Variants in CMPK1 observed in about 807,000 individuals in gnomAD.
The protein encoded by CMPK1 is cytidine/uridine monophosphate kinase 1.
CMPK1 carries 10 observed loss-of-function variants against 25.7 expected under a neutral mutation model. The ratio of observed to expected loss-of-function variants is 0.39; its 90% CI spans 0.24 to 0.66. The LOEUF (loss-of-function observed/expected upper bound fraction) is 0.66. Ranked by LOEUF, CMPK1 falls within the 30% of genes least tolerant of loss-of-function variation. CMPK1 has a pLI of 0.48. For missense variants in CMPK1, 199 were observed against 280.5 expected, an observed-to-expected ratio of 0.71 and a Z score of 2.08; for synonymous variants, 106 against 101.5, an observed-to-expected ratio of 1.04 and a Z score of -0.27.
rs561684776 is a variant in CMPK1, at chr1:47,377,599, T to C, written c.*854T>C. ...TAGCATTTTAGTAACACTTCAAAGG[T>C]TTTTTTTTGTTTGTTTTCTAGACTT... is the stretch of plus-strand genomic sequence containing the variant. On this transcript the variant is annotated 3_prime_UTR_variant, in exon 6 of 6. Coordinates refer to ENST00000371873, the MANE Select transcript of CMPK1 (RefSeq NM_016308.3). 6.7e-6 allele frequency: 1 copy of C among 149,966 alleles called. No homozygotes were observed. Among genetic ancestry groups the C allele is most frequent in the African/African-American group, 2.5e-5 (1 of 39,516 alleles). The allele number at this position is 149,966 out of a possible 1,614,324, so 9.3% of individuals were successfully genotyped here.
chr1:47,369,923 T>TTA (rs1646666137), intron 2 of CMPK1, among the ~76,000 whole-genome samples: 1 of 147,424 alleles, frequency 6.8e-6, no homozygotes. Flanking sequence ...TTTTTTTTTT[T>TTA]TTTGGCGGGG....
intron 1 of CMPK1, among the ~76,000 whole-genome samples, chr1:47,336,138 G>GAAATAAATAAATAAATAAAT (rs61064131): frequency 0.011 from 1,656 of 150,484 alleles, 24 homozygotes; most frequent in African/African-American, 0.022. Flanking sequence ...CTCCGTCTCA[G>GAAATAAATAAATAAATAAAT]AAATAAATAA....
chr1:47,337,377 A>G (rs956408531), intron 1 of CMPK1, among the ~76,000 whole-genome samples: 6 of 152,322 alleles, frequency 3.9e-5, no homozygotes, highest in African/African-American at 1.4e-4. Context: ...GGCAAATAAT[A>G]TTTTAAACTT....
At chr1:47,366,399 G>A (rs536180079) in intron 1 of CMPK1, among the ~76,000 whole-genome samples, 5 of 152,326 alleles carry the variant, frequency 3.3e-5, no homozygotes, top group African/African-American at 1.2e-4. Flanking sequence ...ACTGGCTTCA[G>A]TGATTACTTA....
In CMPK1 at chr1:47,356,603, A is replaced by ATAACTT. The variant is rs1416537968; in HGVS notation, c.172-11866_172-11865insTAACTT. On this transcript the variant is annotated intron_variant, in intron 1 of 5. Coordinates refer to ENST00000371873, the MANE Select transcript of CMPK1 (RefSeq NM_016308.3). ...TAAAGTTGCCATAAGTTTATAGATTAATTTGTGGAAAACTGAATAATTACA... is the reference window on the plus strand; with the variant it reads ...TAAAGTTGCCATAAGTTTATAGATTATAACTTATTTGTGGAAAACTGAATAATTACA... Among the ~76,000 whole-genome samples the ATAACTT allele has an allele frequency of 7.3e-3, 1,111 of 152,298 alleles. 4 individuals carry two copies. The highest frequency in any genetic ancestry group is 0.03 in the East Asian group (158 of 5,192).
chr1:47,365,492 G>T (rs1203524359), intron 1 of CMPK1, among the ~76,000 whole-genome samples: 1 of 151,802 alleles, frequency 6.6e-6, no homozygotes, highest in Non-Finnish European at 1.5e-5. Flanking sequence ...AAATTAGCTG[G>T]ATGCAGTGGC....
chr1:47,362,599 C>T (rs1646611449), intron 1 of CMPK1, among the ~76,000 whole-genome samples: 1 of 152,188 alleles, frequency 6.6e-6, no homozygotes, highest in African/African-American at 2.4e-5. Context: ...ATTACAGGCA[C>T]ATGCCACCAC....
At chr1:47,366,206 A>G (rs2149332910) in intron 1 of CMPK1, among the ~76,000 whole-genome samples, 1 of 152,330 alleles carries the variant, frequency 6.6e-6, no homozygotes, top group East Asian at 1.9e-4. Context: ...ACAAAAAGCC[A>G]CGATTTTTAG....
At chr1:47,360,931 G>A (rs372488278) in intron 1 of CMPK1, among the ~76,000 whole-genome samples, 2 of 152,168 alleles carry the variant, frequency 1.3e-5, no homozygotes, top group South Asian at 4.2e-4. Flanking sequence ...GGGCAGGTTG[G>A]GTTTTATGCT....
intron 1 of CMPK1, among the ~76,000 whole-genome samples, chr1:47,343,863 G>A (rs1296480371): frequency 6.6e-6 from 1 of 150,976 alleles, no homozygotes; most frequent in Non-Finnish European, 1.5e-5. Flanking sequence ...CTCCAGCCTG[G>A]ATGACAGAGA....
At chr1:47,371,091 A>G (rs1570381035) in intron 2 of CMPK1, among the ~76,000 whole-genome samples, 2 of 152,214 alleles carry the variant, frequency 1.3e-5, no homozygotes, top group East Asian at 3.8e-4. Context: ...ACAGTGAGGG[A>G]GAAAAAGAAA....
intron 1 of CMPK1, among the ~76,000 whole-genome samples, chr1:47,342,312 C>T (rs1181233792): frequency 6.6e-6 from 1 of 151,710 alleles, no homozygotes; most frequent in Non-Finnish European, 1.5e-5. Context: ...GAATTCTTGA[C>T]CTCAGGTGAT....
chr1:47,339,662 T>C (rs866550980), intron 1 of CMPK1, among the ~76,000 whole-genome samples: 1 of 151,676 alleles, frequency 6.6e-6, no homozygotes. Flanking sequence ...CAGAAGTGTT[T>C]GAATGTCTTC....
rs528163133 is a variant in CMPK1 at position 47,364,707 on chromosome 1, A to C, written c.172-3762A>C. On this transcript the variant is annotated intron_variant, in intron 1 of 5. Transcript: ENST00000371873. ...ATTATATGCCATAAGTTATGATATAAATTGTATAATATATAATATATGAAA... is the reference window on the plus strand; with the variant it reads ...ATTATATGCCATAAGTTATGATATACATTGTATAATATATAATATATGAAA... Among the ~76,000 whole-genome samples, 101 of 148,478 alleles carry C rather than the reference A, an allele frequency of 6.8e-4. 1 individual carries two copies. Among genetic ancestry groups the C allele is most frequent in the Non-Finnish European group, 1.1e-3 (76 of 67,332 alleles).
At chr1:47,353,367 T>C (rs764490588) in intron 1 of CMPK1, among the ~76,000 whole-genome samples, 1 of 152,254 alleles carries the variant, frequency 6.6e-6, no homozygotes, top group African/African-American at 2.4e-5. Flanking sequence ...TAACTCTTCA[T>C]GCCCATGCAG....
intron 1 of CMPK1, among the ~76,000 whole-genome samples, chr1:47,349,342 A>T (rs78960567): frequency 0.015 from 2,245 of 152,270 alleles, 54 homozygotes; most frequent in African/African-American, 0.051. Flanking sequence ...CAAGTGCCAG[A>T]TTTCTTTCCA....
At position 47,337,665 on chromosome 1, in the gene CMPK1, G is replaced by T. The variant is rs932022042; in HGVS notation, c.171+3549G>T. ...GTGTCACGCTGTCGGCCAGGCTGGTGTGCAGTGGGGCAATCTTGGCTCGCT... is the reference window on the plus strand; with the variant it reads ...GTGTCACGCTGTCGGCCAGGCTGGTTTGCAGTGGGGCAATCTTGGCTCGCT... On this transcript the variant is annotated intron_variant, in intron 1 of 5. Coordinates refer to ENST00000371873, the MANE Select transcript of CMPK1 (RefSeq NM_016308.3). 2.7e-5 allele frequency among the ~76,000 whole-genome samples: 4 copies of T among 149,766 alleles called. No homozygotes were observed. In the Admixed American group the frequency reaches 2.7e-4, roughly 10 times the overall value.
At chr1:47,344,848 C>G (rs1256126780) in intron 1 of CMPK1, among the ~76,000 whole-genome samples, 2 of 151,742 alleles carry the variant, frequency 1.3e-5, no homozygotes, top group Non-Finnish European at 2.9e-5. Flanking sequence ...GCCTCCCTAA[C>G]TAGAGTGTAA....
chr1:47,358,649 T>A, intron 1 of CMPK1: 1 of 990,128 alleles, frequency 1.0e-6, no homozygotes, highest in Non-Finnish European at 1.2e-6. Context: ...CCTTAAGCAC[T>A]CTAGTTCAGT....
Sources: allele counts gnomAD v4.1 joint callset (sites outside exome capture counted in the v4.1 genomes callset), GRCh38; gene constraint gnomAD v4.1.1; transcripts MANE v1.5; gene names NCBI Gene and HGNC (gene_info 2026-07-23, HGNC 2026-07-21).